The following ATP2B2 variants were observed in gnomAD, a reference collection of about 807,000 sequenced individuals.
ATP2B2 encodes ATPase plasma membrane Ca2+ transporting 2, also known as plasma membrane calcium-transporting ATPase 2.
Under a neutral mutation model 120.0 loss-of-function variants are expected in ATP2B2, and 15 were observed. That is an observed-to-expected ratio of 0.12 (90% CI 0.08 to 0.19). The LOEUF is 0.19. ATP2B2 is among the 10% of genes least tolerant of loss of function. The pLI is 1.00. For synonymous variants in ATP2B2, 694 were observed against 700.3 expected (o/e 0.99, Z 0.14); for missense variants, 1,045 against 1,719.8 (o/e 0.61, Z 6.94).
At chr3:10,608,081 C>T (rs955934776) in intron 2 of ATP2B2, among the ~76,000 whole-genome samples, 6 of 152,372 alleles carry the variant, frequency 3.9e-5, no homozygotes, top group East Asian at 3.9e-4. Context: ...CACTCAAACT[C>T]GGAAAAGAGC....
rs573836839 is a variant in ATP2B2, at chr3:10,700,115, T to C, written c.-460+7800A>G. Among the ~76,000 whole-genome samples the C allele has an allele frequency of 5.3e-5, 8 of 152,222 alleles. No individual in the cohort carries two copies. The South Asian group carries it at 1.7e-3, about 32-fold the overall frequency. On this transcript the variant is annotated intron_variant, in intron 1 of 21. Coordinates refer to the ATP2B2 transcript ENST00000646379. ...TTCCTGAAAGTCATGTGAGACAGGA[T>C]TGGAGAGTGTGCTATACTTCTGATG...
rs79287817 is a variant in ATP2B2 at position 10,595,045 on chromosome 3, A to C, written c.-415+24872T>G. Reference sequence around the variant, plus strand: ...ACAGACCAATTCAAAGTTAACTGCAATATTTCGGGAGCCCCCAGCTGATCA... The same window carrying C: ...ACAGACCAATTCAAAGTTAACTGCACTATTTCGGGAGCCCCCAGCTGATCA... On this transcript the variant is annotated intron_variant, in intron 2 of 21. Coordinates refer to the ATP2B2 transcript ENST00000646379. Among the ~76,000 whole-genome samples the C allele has an allele frequency of 6.6e-3, 998 of 152,360 alleles. 11 individuals are homozygous for C. Among genetic ancestry groups the C allele is most frequent in the African/African-American group, 0.022 (915 of 41,592 alleles).
intron 1 of ATP2B2, among the ~76,000 whole-genome samples, chr3:10,454,075 C>T (rs2064166959): frequency 6.6e-6 from 1 of 151,606 alleles, no homozygotes; most frequent in African/African-American, 2.4e-5. Context: ...ACCCATCCAA[C>T]CATCCATTCA....
intron 2 of ATP2B2, among the ~76,000 whole-genome samples, chr3:10,606,649 G>A (rs1194644810): frequency 1.3e-5 from 2 of 152,098 alleles, no homozygotes; most frequent in Admixed American, 1.3e-4. Context: ...GGGGAGTTTT[G>A]GAGATGTGTA....
rs2059910521 is a variant in ATP2B2, at chr3:10,328,988, A to T, written c.3558T>A (p.Asp1186Glu). The T allele has an allele frequency of 6.2e-7, 1 of 1,613,832 alleles. No individual in the cohort carries two copies. Among genetic ancestry groups the T allele is most frequent in the African/African-American group, 1.3e-5 (1 of 74,834 alleles). ...CGGCATCTTCTTCCAGGTCGGTGTC[A>T]TCAATGAGGGGGATGTGGGGCTGGG... ...EDSQPHIPLI[D>E]DTDLEEDAAL... is the part of the protein sequence containing the mutation. Residue 1186 changes from aspartate to glutamate, a missense_variant, in exon 23 of 23, where the codon GAT (aspartate) becomes GAA (glutamate). Asp to Glu is a conservative substitution (Grantham distance 45). Coordinates refer to ENST00000360273, the MANE Select transcript of ATP2B2 (RefSeq NM_001001331.4).
rs376205166 is a variant in ATP2B2 at position 10,449,462 on chromosome 3, T to C, written c.82A>G (p.Met28Val). Residue 28 changes from methionine (M) to valine (V), a missense_variant, in exon 2 of 23, where the codon ATG (methionine) becomes GTG (valine). Transcript: ENST00000360273. ...SSHGGEFGCT[M>V]EELRSLMELR... is the part of the protein sequence containing the mutation. ...TCCATGAGGGAGCGGAGCTCCTCCA[T>C]TGTGCACCCGAACTCGCCCCCATGG... is the stretch of plus-strand genomic sequence containing the variant. 3.7e-6 allele frequency: 6 copies of C among 1,614,242 alleles called. No individual in the cohort carries two copies. The highest frequency in any genetic ancestry group is 1.1e-5 in the South Asian group (1 of 91,082).
chr3:10,589,374 C>A (rs1209386069), intron 2 of ATP2B2, among the ~76,000 whole-genome samples: 1 of 152,190 alleles, frequency 6.6e-6, no homozygotes, highest in African/African-American at 2.4e-5. Context: ...GACTAAGGTA[C>A]AGCCCCAAAG....
intron 1 of ATP2B2, among the ~76,000 whole-genome samples, chr3:10,636,965 G>T (rs1443840752): frequency 6.6e-6 from 1 of 152,196 alleles, no homozygotes; most frequent in Non-Finnish European, 1.5e-5. Context: ...ATAATTAGTG[G>T]GAGCAAGGCC....
chr3:10,561,029 G>T (rs2067892801), intron 2 of ATP2B2, among the ~76,000 whole-genome samples: 2 of 152,134 alleles, frequency 1.3e-5, no homozygotes, highest in Non-Finnish European at 2.9e-5. Context: ...GCTGAAGAAT[G>T]ACCTTCCATC....
chr3:10,553,886 T>A (rs1312705416), intron 2 of ATP2B2, among the ~76,000 whole-genome samples: 1 of 151,900 alleles, frequency 6.6e-6, no homozygotes, highest in Non-Finnish European at 1.5e-5. Context: ...TAGCACTCAA[T>A]AGGCATCCTT....
chr3:10,418,744 A>G (rs2062873363), intron 2 of ATP2B2, among the ~76,000 whole-genome samples: 1 of 152,202 alleles, frequency 6.6e-6, no homozygotes. Flanking sequence ...AGCCTCAGCA[A>G]ATGATTTCAA....
Position 10,596,844 on chromosome 3 carries a change from C to A in ATP2B2, c.-415+23073G>T, listed in dbSNP as rs531342410. Among the ~76,000 whole-genome samples, 430 of 152,348 alleles carry A rather than the reference C, an allele frequency of 2.8e-3. 2 individuals are homozygous for A. Among genetic ancestry groups the A allele is most frequent in the African/African-American group, 9.6e-3 (400 of 41,574 alleles). The stretch of plus-strand genomic sequence containing the variant: ...CACAGTCAAGAAAATCTTTCCCAAA[C>A]GAAGGAGGCTGCAGGGAGCCAGAGA... On this transcript the variant is annotated intron_variant, in intron 2 of 21. Coordinates refer to the ATP2B2 transcript ENST00000646379.
chr3:10,666,111 C>G (rs918069430), intron 1 of ATP2B2, among the ~76,000 whole-genome samples: 1 of 152,226 alleles, frequency 6.6e-6, no homozygotes, highest in African/African-American at 2.4e-5. Flanking sequence ...TGCAGCACCC[C>G]TGGCTGCCCT....
At chr3:10,688,490 A>T (rs114346738) in intron 1 of ATP2B2, among the ~76,000 whole-genome samples, 428 of 152,312 alleles carry the variant, frequency 2.8e-3, no homozygotes, top group African/African-American at 9.5e-3. Flanking sequence ...CTGCTGTTCA[A>T]GATCAGCAGG....
intron 8 of ATP2B2, among the ~76,000 whole-genome samples, chr3:10,382,049 T>C (rs1255285840): frequency 2.6e-5 from 4 of 152,156 alleles, no homozygotes; most frequent in Non-Finnish European, 4.4e-5. Context: ...AGTAGTAATG[T>C]GTTATTATTA....
At chr3:10,589,766 A>G (rs2068598351) in intron 2 of ATP2B2, among the ~76,000 whole-genome samples, 1 of 152,176 alleles carries the variant, frequency 6.6e-6, no homozygotes, top group Admixed American at 6.5e-5. Flanking sequence ...GAACGAATAA[A>G]CACTGCCAAC....
chr3:10,706,544 G>C (rs2071898986), intron 1 of ATP2B2, among the ~76,000 whole-genome samples: 1 of 152,138 alleles, frequency 6.6e-6, no homozygotes, highest in South Asian at 2.1e-4. Flanking sequence ...AGATGCTCAA[G>C]AGCCCAGCAG....
intron 12 of ATP2B2, among the ~76,000 whole-genome samples, chr3:10,368,362 C>T (rs1458723291): frequency 6.6e-6 from 1 of 152,004 alleles, no homozygotes; most frequent in Non-Finnish European, 1.5e-5. Context: ...TGCTGCCATA[C>T]AAGAACAAAA....
At chr3:10,406,607 T>C (rs2062420431) in intron 3 of ATP2B2, among the ~76,000 whole-genome samples, 1 of 152,242 alleles carries the variant, frequency 6.6e-6, no homozygotes, top group African/African-American at 2.4e-5. Flanking sequence ...TGTAGCGGGC[T>C]GTGCCATCTA....
Sources: gnomAD v4.1 joint callset for allele counts (sites outside exome capture counted in the v4.1 genomes callset) on GRCh38, gnomAD v4.1.1 for gene constraint, MANE v1.5 for transcripts, NCBI Gene and HGNC (gene_info 2026-07-23, HGNC 2026-07-21) for gene names.